The following CATSPERE variants were observed in gnomAD, a reference collection of about 807,000 sequenced individuals.
CATSPERE encodes the protein cation channel sperm-associated auxiliary subunit epsilon.
In CATSPERE, 93 loss-of-function variants were observed where a neutral mutation model predicts 114.1. That is an observed-to-expected ratio of 0.81 (90% CI 0.69 to 0.97). The LOEUF is 0.97. Among genes scored for constraint, CATSPERE ranks in the 50% least tolerant of loss-of-function variants. The probability of loss-of-function intolerance (pLI) is 0.00; values close to 1 mark genes in which losing one functional copy is unlikely to be tolerated. For missense variants in CATSPERE, 1,058 were observed against 1,131.6 expected, an observed-to-expected ratio of 0.93 and a Z score of 0.93; for synonymous variants, 341 against 384.1, an observed-to-expected ratio of 0.89 and a Z score of 1.31.
At chr1:244,493,758 T>A (rs1012749397) in intron 6 of CATSPERE, among the ~76,000 whole-genome samples, 13 of 151,662 alleles carry the variant, frequency 8.6e-5, no homozygotes, top group African/African-American at 2.7e-4. Context: ...TTACAAGAAA[T>A]AAACAAACAA....
rs1023279233 is a variant in CATSPERE at position 244,531,997 on chromosome 1, T to C, written c.536+13299T>C. On this transcript the variant is annotated intron_variant, in intron 8 of 21. Transcript: ENST00000366534. ...GGGAGACTTTTTACTATGGCTTCAA[T>C]CTCATTACCTGTTATTGGTCTGTTT... Among the ~76,000 whole-genome samples, 20 of 152,316 alleles carry C rather than the reference T, an allele frequency of 1.3e-4. No individual in the cohort carries two copies. The East Asian group carries it at 1.4e-3, about 10-fold the overall frequency.
chr1:244,636,668 C>G (rs1674661869), intron 21 of CATSPERE: 1 of 153,240 alleles, frequency 6.5e-6, no homozygotes. Context: ...GAGGATCTCA[C>G]TCACCTGCCC....
intron 20 of CATSPERE, among the ~76,000 whole-genome samples, chr1:244,621,214 T>TAGGTATATTTATATAG (rs56940000): frequency 4.8e-5 from 1 of 20,990 alleles, no homozygotes; most frequent in Non-Finnish European, 8.2e-5. Context: ...TATATTTATA[T>TAGGTATATTTATATAG]ATATATTTAT....
Position 244,610,274 on chromosome 1 carries a change from CAA to C in CATSPERE, c.2439_2440del (p.Met814AspfsTer2). 4.3e-6 allele frequency: 7 copies of C among 1,612,720 alleles called. No individual in the cohort carries two copies. Among genetic ancestry groups the C allele is most frequent in the Non-Finnish European group, 5.9e-6 (7 of 1,179,264 alleles). On this transcript the variant is annotated frameshift_variant, in exon 19 of 22. Transcript: ENST00000366534. LOFTEE classifies it high-confidence loss of function. ...TTACATGAAGCACAGACATGGAAGTCAATGATTGAACTTAACAAGCACCTCCC... is the reference window on the plus strand; with the variant it reads ...TTACATGAAGCACAGACATGGAAGTCTGATTGAACTTAACAAGCACCTCCC...
intron 20 of CATSPERE, among the ~76,000 whole-genome samples, chr1:244,629,538 G>C (rs1454083507): frequency 9.2e-6 from 1 of 109,274 alleles, no homozygotes; most frequent in Non-Finnish European, 1.8e-5. Flanking sequence ...GTAGGGACAA[G>C]GTCTTGCTAT....
chr1:244,527,204 C>G (rs1558432783), intron 8 of CATSPERE, among the ~76,000 whole-genome samples: 1 of 152,120 alleles, frequency 6.6e-6, no homozygotes, highest in Non-Finnish European at 1.5e-5. Flanking sequence ...TCCTAATAAG[C>G]CTGGGAGCGC....
intron 7 of CATSPERE, among the ~76,000 whole-genome samples, chr1:244,508,195 T>C (rs1301171710): frequency 1.3e-5 from 2 of 152,070 alleles, no homozygotes; most frequent in East Asian, 3.8e-4. Context: ...TTCCTGAAAT[T>C]TATTCCTAGG....
rs115570152 is a variant in CATSPERE at position 244,637,284 on chromosome 1, A to T, written c.2702+1742A>T. On this transcript the variant is annotated intron_variant, in intron 21 of 21. Coordinates refer to ENST00000366534, the MANE Select transcript of CATSPERE (RefSeq NM_001130957.2). ...CCATGTCCTCCCCACAGTCTGCTGCATTCATTCTCAACTTTGGCCCCGTCA... is the reference window on the plus strand; with the variant it reads ...CCATGTCCTCCCCACAGTCTGCTGCTTTCATTCTCAACTTTGGCCCCGTCA... Among the ~76,000 whole-genome samples, 835 of 152,162 alleles carry T rather than the reference A, an allele frequency of 5.5e-3. 8 individuals are homozygous for T. The highest frequency in any genetic ancestry group is 0.019 in the African/African-American group (803 of 41,490).
intron 8 of CATSPERE, among the ~76,000 whole-genome samples, chr1:244,530,447 A>G (rs563302109): frequency 3.3e-4 from 50 of 152,288 alleles, no homozygotes; most frequent in Non-Finnish European, 6.0e-4. Flanking sequence ...GAAGTCAGGT[A>G]ATGTGATTCA....
chr1:244,481,110 C>T (rs1670202221), intron 5 of CATSPERE, among the ~76,000 whole-genome samples: 1 of 151,998 alleles, frequency 6.6e-6, no homozygotes. Context: ...GCTATAATTA[C>T]ACCACTGTAC....
chr1:244,617,946 T>C (rs1447158246), intron 20 of CATSPERE, among the ~76,000 whole-genome samples: 1 of 152,190 alleles, frequency 6.6e-6, no homozygotes, highest in Admixed American at 6.5e-5. Flanking sequence ...ATAGGCACAG[T>C]CTCATCCTTC....
At chr1:244,563,281 G>A (rs1170682707) in intron 10 of CATSPERE, among the ~76,000 whole-genome samples, 1 of 152,244 alleles carries the variant, frequency 6.6e-6, no homozygotes, top group African/African-American at 2.4e-5. Context: ...TATACACCCA[G>A]TAATGGGATT....
At chr1:244,497,156 T>TAGG (rs1673228423) in intron 6 of CATSPERE, among the ~76,000 whole-genome samples, 1 of 152,194 alleles carries the variant, frequency 6.6e-6, no homozygotes, top group Non-Finnish European at 1.5e-5. Context: ...AGAATTCTCT[T>TAGG]ACAACCTGGT....
intron 21 of CATSPERE, among the ~76,000 whole-genome samples, chr1:244,639,291 C>G (rs976707656): frequency 6.6e-6 from 1 of 152,178 alleles, no homozygotes; most frequent in South Asian, 2.1e-4. Context: ...ATCTAGCTAA[C>G]TCCTACTCCC....
chr1:244,542,032 A>G lies in CATSPERE; in HGVS notation c.537-10290A>G, dbSNP rs1202268677. Among the ~76,000 whole-genome samples the G allele has an allele frequency of 9.7e-5, 14 of 144,834 alleles. No individual in the cohort carries two copies. In the East Asian group the frequency reaches 3.0e-3, roughly 31 times the overall value. Reference sequence around the variant, plus strand: ...TGGGGTGGGGGGAGGGGGGAGGGATAGCATTGGGAGATATACCTAATGCTA... The same window carrying G: ...TGGGGTGGGGGGAGGGGGGAGGGATGGCATTGGGAGATATACCTAATGCTA... On this transcript the variant is annotated intron_variant, in intron 8 of 21. Transcript: ENST00000366534.
At chr1:244,520,092 T>C (rs764022766) in intron 8 of CATSPERE, among the ~76,000 whole-genome samples, 3 of 152,210 alleles carry the variant, frequency 2.0e-5, no homozygotes, top group Non-Finnish European at 2.9e-5. Context: ...AATTGTCTTC[T>C]CAGGTTCTTC....
At chr1:244,566,398 C>T (rs905497136) in intron 10 of CATSPERE, among the ~76,000 whole-genome samples, 10 of 152,050 alleles carry the variant, frequency 6.6e-5, no homozygotes, top group South Asian at 4.2e-4. Flanking sequence ...TCTCTCTCGT[C>T]GATCTGTCTG....
intron 9 of CATSPERE, among the ~76,000 whole-genome samples, chr1:244,557,582 T>TAA (rs1322096175): frequency 9.2e-6 from 1 of 108,112 alleles, no homozygotes; most frequent in African/African-American, 3.6e-5. Context: ...TATATATATA[T>TAA]AAAATCTCCC....
At chr1:244,471,134 A>C (rs1005817180) in intron 2 of CATSPERE, among the ~76,000 whole-genome samples, 5 of 152,226 alleles carry the variant, frequency 3.3e-5, no homozygotes, top group African/African-American at 1.2e-4. Flanking sequence ...ACCATTGTAC[A>C]CTTTAAATGA....
Sources: gnomAD v4.1 joint callset for allele counts (sites outside exome capture counted in the v4.1 genomes callset) on GRCh38, gnomAD v4.1.1 for gene constraint, MANE v1.5 for transcripts, NCBI Gene and HGNC (gene_info 2026-07-23, HGNC 2026-07-21) for gene names.